The following BRD4 variants were observed in gnomAD, a reference collection of about 807,000 sequenced individuals.
The protein encoded by BRD4 is bromodomain-containing protein 4.
A neutral mutation model predicts 142.1 loss-of-function variants in BRD4; 16 were observed. The ratio of observed to expected loss-of-function variants is 0.11; its 90% confidence interval spans 0.08 to 0.17. The LOEUF is 0.17. Ranked by LOEUF, BRD4 falls within the 10% of genes least tolerant of loss-of-function variation. The pLI is 1.00. For missense variants in BRD4, 1,424 were observed against 1,810.9 expected (o/e 0.79, Z 3.88); for synonymous variants, 833 against 707.5 (o/e 1.18, Z -2.82).
chr19:15,319,070 C>A (rs1011801290), intron 1 of BRD4, among the ~76,000 whole-genome samples: 2 of 152,190 alleles, frequency 1.3e-5, no homozygotes, highest in Non-Finnish European at 2.9e-5. Context: ...CAGTGGCTCA[C>A]CTGTGTAATC....
chr19:15,253,660 C>G (rs1438649442), intron 11 of BRD4: 1 of 1,597,796 alleles, frequency 6.3e-7, no homozygotes, highest in Non-Finnish European at 8.5e-7. Flanking sequence ...ATGCGGCTGG[C>G]CAGCTGCAGT....
At chr19:15,256,378 T>C (rs1316209777) in intron 8 of BRD4, 115 bp from the exon 9 acceptor site, 17 of 1,341,752 alleles carry the variant, frequency 1.3e-5, no homozygotes, top group Admixed American at 8.9e-5. Context: ...GGCATCAGGG[T>C]GTGGGCATAG....
At chr19:15,329,215 TCACAAAG>T (rs2048135942) in intron 1 of BRD4, among the ~76,000 whole-genome samples, 1 of 152,044 alleles carries the variant, frequency 6.6e-6, no homozygotes, top group Non-Finnish European at 1.5e-5. Context: ...ACACCAAAAA[TCACAAAG>T]ATTTATGAAA....
chr19:15,253,674 C>G lies in BRD4; in HGVS notation c.2158+478G>C, dbSNP rs2047373356. ...GATGCGGCTGGCCAGCTGCAGTCTG[C>G]TCCACATCCACCAGAAACCAGCGAA... is the stretch of plus-strand genomic sequence containing the variant. On this transcript the variant is annotated intron_variant, in intron 11 of 19. Transcript: ENST00000679869. 3.1e-6 allele frequency: 5 copies of G among 1,598,408 alleles called. No homozygotes were observed. In the Middle Eastern group the frequency reaches 6.6e-4, roughly 211 times the overall value.
At chr19:15,288,194 G>A (rs1200353009) in intron 1 of BRD4, among the ~76,000 whole-genome samples, 2 of 152,134 alleles carry the variant, frequency 1.3e-5, no homozygotes, top group Non-Finnish European at 2.9e-5. Context: ...ATGAACATGG[G>A]CGTACAAATA....
chr19:15,241,120 C>T (rs948331332), intron 14 of BRD4, among the ~76,000 whole-genome samples: 1 of 152,256 alleles, frequency 6.6e-6, no homozygotes, highest in African/African-American at 2.4e-5. Context: ...CCCATCCTGT[C>T]CCCGCAGCCC....
rs1599428100 is a variant in BRD4 at position 15,238,677 on chromosome 19, C to T, written c.4020+66G>A. On this transcript the variant is annotated intron_variant, in intron 19 of 19. Transcript: ENST00000679869. This position sits in a 1 kb window ranked among gnomAD's most constrained non-coding sequence, Gnocchi z 7.2. ...GCCCCTCCCTGTCCAGGCTCCAGTC[C>T]CCCTTTCCCAGCTCCCTCAGGAGCT... The T allele has an allele frequency of 6.9e-7, 1 of 1,458,536 alleles. No individual in the cohort carries two copies. Among genetic ancestry groups the T allele is most frequent in the Non-Finnish European group, 9.1e-7 (1 of 1,104,504 alleles). The allele number at this position is 1,458,536 out of a possible 1,614,324, so 90.3% of individuals were successfully genotyped here. A position where few individuals can be genotyped will look rare whatever the true frequency, so the allele number is the denominator to read the frequency against.
Position 15,239,732 on chromosome 19 carries a change from G to A in BRD4, c.3372C>T (p.Pro1124=). The A allele has an allele frequency of 6.2e-7, 1 of 1,605,178 alleles. No homozygotes were observed. The highest frequency in any genetic ancestry group is 8.5e-7 in the Non-Finnish European group (1 of 1,179,492). The change falls in exon 16 of 20, where the codon CCC becomes CCT. Residue 1124 remains proline (P), a synonymous_variant. Transcript: ENST00000679869. This position sits in a 1 kb window ranked among gnomAD's most constrained non-coding sequence, Gnocchi z 7.4. ...GCTCCGGCCGCAGCGAGGGGCTGAA[G>A]GGCTCGCTGCGGATGATGGGTGAGT... is the stretch of plus-strand genomic sequence containing the variant. ...KIHSPIIRSE[P]FSPSLRPEPP...
intron 11 of BRD4, chr19:15,248,784 C>T: frequency 4.1e-6 from 1 of 241,786 alleles, no homozygotes; most frequent in Non-Finnish European, 8.1e-6. Context: ...CTCTAGAGGT[C>T]AGAGTGTTCT....
At chr19:15,262,567 G>C (rs937704476) in intron 7 of BRD4, among the ~76,000 whole-genome samples, 3 of 148,830 alleles carry the variant, frequency 2.0e-5, no homozygotes, top group Non-Finnish European at 4.5e-5. Flanking sequence ...AAATAAACGA[G>C]GCAAAATTAG....
intron 1 of BRD4, among the ~76,000 whole-genome samples, chr19:15,290,932 A>G (rs529810041): frequency 6.3e-4 from 96 of 152,326 alleles, no homozygotes; most frequent in African/African-American, 2.3e-3. Context: ...AATGAAAAAG[A>G]AAAGAAAAAA....
intron 7 of BRD4, among the ~76,000 whole-genome samples, chr19:15,261,978 G>A (rs1310905571): frequency 6.6e-6 from 1 of 152,228 alleles, no homozygotes; most frequent in Non-Finnish European, 1.5e-5. Flanking sequence ...ACACTAGTAA[G>A]AAAGAGACCA....
At chr19:15,296,559 C>T (rs1224860158) in intron 1 of BRD4, among the ~76,000 whole-genome samples, 2 of 152,142 alleles carry the variant, frequency 1.3e-5, no homozygotes, top group Admixed American at 1.3e-4. Flanking sequence ...ACATGATGTC[C>T]GCAGACCAGC....
chr19:15,311,547 T>C (rs532929512), intron 1 of BRD4, among the ~76,000 whole-genome samples: 3 of 151,940 alleles, frequency 2.0e-5, no homozygotes, highest in Admixed American at 2.0e-4. Flanking sequence ...TCCCAGTACT[T>C]TGGGAGGCAG....
intron 1 of BRD4, among the ~76,000 whole-genome samples, chr19:15,313,379 A>C (rs2047990110): frequency 6.6e-6 from 1 of 150,694 alleles, no homozygotes; most frequent in Admixed American, 6.6e-5. Context: ...TCTTTAAAAA[A>C]AAAAAAAAAA....
At chr19:15,313,990 C>A (rs915643290) in intron 1 of BRD4, among the ~76,000 whole-genome samples, 1 of 152,132 alleles carries the variant, frequency 6.6e-6, no homozygotes, top group African/African-American at 2.4e-5. Flanking sequence ...GAATCTCTGC[C>A]TTAGGAACTC....
intron 1 of BRD4, among the ~76,000 whole-genome samples, chr19:15,297,338 G>A (rs2047831627): frequency 6.6e-6 from 1 of 152,152 alleles, no homozygotes; most frequent in Admixed American, 6.5e-5. Context: ...AAATCTACTT[G>A]AGAGCCGCTG....
intron 1 of BRD4, among the ~76,000 whole-genome samples, chr19:15,289,141 A>G (rs1042774199): frequency 1.3e-5 from 2 of 152,162 alleles, no homozygotes; most frequent in African/African-American, 4.8e-5. Flanking sequence ...GGTTCTGACA[A>G]CTAGTGCCCT....
At chr19:15,328,279 T>C (rs1181952106) in intron 1 of BRD4, among the ~76,000 whole-genome samples, 1 of 152,192 alleles carries the variant, frequency 6.6e-6, no homozygotes, top group Non-Finnish European at 1.5e-5. Flanking sequence ...TGTTCAATGT[T>C]TAAAAAAAAA....
Sources: allele counts gnomAD v4.1 joint callset (sites outside exome capture counted in the v4.1 genomes callset), GRCh38; gene constraint gnomAD v4.1.1; non-coding constraint Gnocchi (gnomAD v3.1); transcripts MANE v1.5; gene names NCBI Gene and HGNC (gene_info 2026-07-23, HGNC 2026-07-21).